ANKS6: variants seen among roughly 807,000 people sequenced by gnomAD.
ANKS6 encodes ankyrin repeat and sterile alpha motif domain containing 6.
In ANKS6, 47 loss-of-function variants were observed where a neutral mutation model predicts 77.9. That is an observed-to-expected ratio of 0.60 (90% CI 0.48 to 0.77). The LOEUF is 0.77. Among genes scored for constraint, ANKS6 ranks in the 30% least tolerant of loss-of-function variants. The pLI is 0.00. For synonymous variants in ANKS6, 488 were observed against 501.7 expected (o/e 0.97, Z 0.37); for missense variants, 1,150 against 1,159.1 (o/e 0.99, Z 0.11).
intron 7 of ANKS6, among the ~76,000 whole-genome samples, chr9:98,777,823 G>C (rs547622373): frequency 2.6e-5 from 4 of 152,272 alleles, no homozygotes; most frequent in African/African-American, 9.6e-5. Context: ...AGTTATCCAA[G>C]CTGTTGAATA....
chr9:98,744,209 C>G (rs1270343493), intron 14 of ANKS6, among the ~76,000 whole-genome samples: 7 of 152,146 alleles, frequency 4.6e-5, no homozygotes, highest in African/African-American at 1.7e-4. Context: ...CTTGGGATGC[C>G]CAAGGCAATG....
In ANKS6 at chr9:98,735,395, A is replaced by C. The variant is rs903825184; in HGVS notation, c.*1124T>G. On this transcript the variant is annotated 3_prime_UTR_variant, in exon 15 of 15. Transcript: ENST00000353234. Reference sequence around the variant, plus strand: ...CAAGCACTGGCTGAATGAGTCATTCACTGGAAAACACTTCAGAAAGCCAGT... The same window carrying C: ...CAAGCACTGGCTGAATGAGTCATTCCCTGGAAAACACTTCAGAAAGCCAGT... The C allele has an allele frequency of 8.9e-7, 1 of 1,124,396 alleles. No individual in the cohort carries two copies. Among genetic ancestry groups the C allele is most frequent in the African/African-American group, 1.6e-5 (1 of 62,366 alleles). 69.7% of individuals were successfully genotyped at this position (1,124,396 alleles called of 1,614,324 possible). A position where few individuals can be genotyped will look rare whatever the true frequency, so the allele number is the denominator to read the frequency against.
rs1378556680 is a variant in ANKS6, at chr9:98,796,248, G to A, written c.244C>T (p.Leu82=). The A allele has an allele frequency of 2.1e-6, 3 of 1,398,166 alleles. No individual in the cohort carries two copies. Among genetic ancestry groups the A allele is most frequent in the East Asian group, 3.1e-5 (1 of 32,396 alleles). The allele number at this position is 1,398,166 out of a possible 1,614,324, so 86.6% of individuals were successfully genotyped here. The change falls in exon 1 of 15, where the codon CTG becomes TTG. Residue 82 remains leucine (L), a synonymous_variant. Transcript: ENST00000353234. Reference sequence around the variant, plus strand: ...TGGCCCCCGGCCGCGGCGAACTGCAGTGCGGTGTTGCCCGCCTCGTCCGAG... The same window carrying A: ...TGGCCCCCGGCCGCGGCGAACTGCAATGCGGTGTTGCCCGCCTCGTCCGAG... The part of the protein sequence containing the change: ...DCSDEAGNTA[L]QFAAAGGHEP...
intron 11 of ANKS6, among the ~76,000 whole-genome samples, chr9:98,763,741 GAAAA>G (rs564852462): frequency 6.6e-6 from 1 of 151,484 alleles, no homozygotes; most frequent in Non-Finnish European, 1.5e-5. Flanking sequence ...AACTGATTAA[GAAAA>G]AAAGAGAGAA....
chr9:98,784,944 G>GTA (rs1564221562), intron 2 of ANKS6, 68 bp from the exon 3 acceptor site: 20 of 1,393,488 alleles, frequency 1.4e-5, no homozygotes, highest in Middle Eastern at 1.8e-4. Flanking sequence ...TCACAAGGGT[G>GTA]TAACAACACA....
chr9:98,747,633 C>T (rs929028695), intron 13 of ANKS6, among the ~76,000 whole-genome samples: 4 of 152,266 alleles, frequency 2.6e-5, no homozygotes, highest in Non-Finnish European at 1.5e-5. Context: ...CCATCCCAAC[C>T]CCTAGCAGGG....
At position 98,770,943 on chromosome 9, in the gene ANKS6, C is replaced by T; in HGVS notation, c.1925G>A (p.Ser642Asn). The change falls in exon 10 of 15, where the codon AGT becomes AAT. Residue 642 changes from serine to asparagine, a missense_variant. Coordinates refer to ENST00000353234, the MANE Select transcript of ANKS6 (RefSeq NM_173551.5). ...ACCGTGCCGGCTCACACCTACCCCA[C>T]TGGAGCCGCCCGATGAATGAGGCGA... ...NHSPHSSGGS[S>N]GVGVSRHGGE... 6.3e-7 allele frequency: 1 copy of T among 1,593,220 alleles called. No individual in the cohort carries two copies. Among genetic ancestry groups the T allele is most frequent in the Non-Finnish European group, 8.5e-7 (1 of 1,169,628 alleles).
intron 11 of ANKS6, 48 bp downstream of exon 11, chr9:98,768,033 G>GA: frequency 6.4e-7 from 1 of 1,559,942 alleles, no homozygotes; most frequent in Non-Finnish European, 8.7e-7. Flanking sequence ...GCCCATGTTA[G>GA]AACAGAATCT....
rs1458277909 is a variant in ANKS6, at chr9:98,796,293, C to G, written c.199G>C (p.Ala67Pro). ...TCCGAGCAATCCACGGGCACCGGAG[C>G]CCCGACTGCCCCCGCCGCTGCGGCC... ...PGAAAAGAVG[A>P]PVPVDCSDEA... is the part of the protein sequence containing the mutation. The change falls in exon 1 of 15, where the codon GCT becomes CCT. Residue 67 changes from alanine to proline, a missense_variant. Ala to Pro is a conservative substitution (Grantham distance 27, BLOSUM62 -1). Coordinates refer to ENST00000353234, the MANE Select transcript of ANKS6 (RefSeq NM_173551.5). 1 of 1,276,696 alleles carries G rather than the reference C, an allele frequency of 7.8e-7. No individual in the cohort carries two copies. The highest frequency in any genetic ancestry group is 3.2e-5 in the East Asian group (1 of 31,332). 79.1% of individuals were successfully genotyped at this position (1,276,696 alleles called of 1,614,324 possible).
At chr9:98,794,606 G>T (rs1357151393) in intron 1 of ANKS6, among the ~76,000 whole-genome samples, 1 of 152,128 alleles carries the variant, frequency 6.6e-6, no homozygotes, top group African/African-American at 2.4e-5. Context: ...AAATACCCAG[G>T]CTCAAGACTA....
intron 2 of ANKS6, among the ~76,000 whole-genome samples, chr9:98,787,829 A>G (rs1834657566): frequency 6.6e-6 from 1 of 152,228 alleles, no homozygotes; most frequent in Non-Finnish European, 1.5e-5. Flanking sequence ...AGTTCTGCTC[A>G]ATGGGAACAT....
At chr9:98,761,261 C>G (rs899762404) in intron 11 of ANKS6, among the ~76,000 whole-genome samples, 17 of 151,986 alleles carry the variant, frequency 1.1e-4, no homozygotes, top group Admixed American at 4.6e-4. Context: ...TTTATTTAGT[C>G]TGGAAAAAAA....
At chr9:98,783,880 C>T (rs1834412186) in intron 4 of ANKS6, 73 bp downstream of exon 4, 11 of 1,359,654 alleles carry the variant, frequency 8.1e-6, no homozygotes, top group Non-Finnish European at 9.7e-6. Context: ...CCAGAAGAGC[C>T]CATTGGGAAC....
intron 13 of ANKS6, among the ~76,000 whole-genome samples, chr9:98,749,335 C>T (rs1034025075): frequency 6.6e-6 from 1 of 152,236 alleles, no homozygotes; most frequent in African/African-American, 2.4e-5. Context: ...CCCTCCCTGA[C>T]CCCAGAGGCT....
chr9:98,779,458 C>G lies in ANKS6; in HGVS notation c.1368+731G>C, dbSNP rs547396397. On this transcript the variant is annotated intron_variant, in intron 6 of 14. Transcript: ENST00000353234. ...TTGGCCAGCTCAGTACTACATCATG[C>G]AGAATTTTCTAAAATTCCCTGTACT... Among the ~76,000 whole-genome samples, 3 of 152,112 alleles carry G rather than the reference C, an allele frequency of 2.0e-5. No individual in the cohort carries two copies. The South Asian group carries it at 6.2e-4, about 32-fold the overall frequency.
At chr9:98,741,250 A>C (rs1404019069) in intron 14 of ANKS6, among the ~76,000 whole-genome samples, 1 of 152,264 alleles carries the variant, frequency 6.6e-6, no homozygotes, top group African/African-American at 2.4e-5. Context: ...TTGCATATTA[A>C]AGAAAGCAGG....
At chr9:98,762,276 T>C (rs1396362568) in intron 11 of ANKS6, among the ~76,000 whole-genome samples, 1 of 152,226 alleles carries the variant, frequency 6.6e-6, no homozygotes, top group Non-Finnish European at 1.5e-5. Context: ...TGACCCGTAT[T>C]GTATCCTGAG....
rs943579178 is a variant in ANKS6 at position 98,792,401 on chromosome 9, C to T, written c.360-1795G>A. ...TATTCAGTGGCAGGCTCTCCAAGGA[C>T]AGGACAGGGTTCCACGCATATTGTT... On this transcript the variant is annotated intron_variant, in intron 1 of 14. Transcript: ENST00000353234. 2.6e-5 allele frequency among the ~76,000 whole-genome samples: 4 copies of T among 152,190 alleles called. No homozygotes were observed. The East Asian group carries it at 5.8e-4, about 22-fold the overall frequency.
chr9:98,762,122 C>T (rs1833049593), intron 11 of ANKS6, among the ~76,000 whole-genome samples: 1 of 152,084 alleles, frequency 6.6e-6, no homozygotes, highest in Admixed American at 6.5e-5. Context: ...ATATTATATT[C>T]CATATAATAC....
Sources: allele counts gnomAD v4.1 joint callset (sites outside exome capture counted in the v4.1 genomes callset), GRCh38; gene constraint gnomAD v4.1.1; transcripts MANE v1.5; gene names NCBI Gene and HGNC (gene_info 2026-07-23, HGNC 2026-07-21).